EPB41L4A: variants seen among roughly 807,000 people sequenced by gnomAD.
EPB41L4A encodes erythrocyte membrane protein band 4.1 like 4A.
Under a neutral mutation model 108.6 loss-of-function variants are expected in EPB41L4A, and 100 were observed. The ratio of observed to expected loss-of-function variants is 0.92; its 90% CI spans 0.78 to 1.09. The LOEUF (loss-of-function observed/expected upper bound fraction) is 1.09, where lower values mean the gene tolerates loss of function less well. Ranked by LOEUF, EPB41L4A falls within the 50% of genes least tolerant of loss-of-function variation. The pLI is 0.00. For synonymous variants in EPB41L4A, 319 were observed against 289.0 expected (o/e 1.10, Z -1.05); for missense variants, 1,030 against 842.7 (o/e 1.22, Z -2.75).
chr5:112,157,428 G>T (rs1436799858), intron 12 of EPB41L4A, among the ~76,000 whole-genome samples: 1 of 152,158 alleles, frequency 6.6e-6, no homozygotes, highest in Non-Finnish European at 1.5e-5. Flanking sequence ...GTTATATTAG[G>T]TTTCTCTTGC....
intron 7 of EPB41L4A, among the ~76,000 whole-genome samples, chr5:112,260,411 G>A (rs1751417089): frequency 1.3e-5 from 2 of 152,214 alleles, no homozygotes. Context: ...ACTCCCAGGT[G>A]ATACTTCTGT....
At chr5:112,310,975 C>T (rs1307047641) in intron 1 of EPB41L4A, among the ~76,000 whole-genome samples, 2 of 152,146 alleles carry the variant, frequency 1.3e-5, no homozygotes, top group African/African-American at 2.4e-5. Flanking sequence ...CTGTGACAAG[C>T]AGTAGAAATG....
intron 17 of EPB41L4A, among the ~76,000 whole-genome samples, chr5:112,188,423 C>G (rs1761528837): frequency 6.6e-6 from 1 of 152,288 alleles, no homozygotes; most frequent in Non-Finnish European, 1.5e-5. Flanking sequence ...TGGGCTACCT[C>G]TGGCGCAATT....
chr5:112,283,919 C>T (rs1011067583), intron 2 of EPB41L4A, among the ~76,000 whole-genome samples: 2 of 152,054 alleles, frequency 1.3e-5, no homozygotes, highest in African/African-American at 4.8e-5. Flanking sequence ...CTAAAAAAAT[C>T]GTTAAATAGC....
chr5:112,263,515 T>C (rs1366747999), intron 6 of EPB41L4A: 1 of 152,228 alleles, frequency 6.6e-6, no homozygotes, highest in Non-Finnish European at 1.5e-5. Context: ...CAAAGCTCCT[T>C]GATAATTTCA....
At chr5:112,263,519 A>G (rs754473398) in intron 6 of EPB41L4A, 15 of 152,226 alleles carry the variant, frequency 9.9e-5, no homozygotes, top group Non-Finnish European at 2.1e-4. Flanking sequence ...GCTCCTTGAT[A>G]ATTTCAATAT....
intron 1 of EPB41L4A, among the ~76,000 whole-genome samples, chr5:112,375,650 T>C (rs1759773094): frequency 6.6e-6 from 1 of 152,206 alleles, no homozygotes; most frequent in South Asian, 2.1e-4. Context: ...GCCATTATGC[T>C]CCTCAGGCCC....
At chr5:112,365,607 T>C (rs1759073564) in intron 1 of EPB41L4A, among the ~76,000 whole-genome samples, 1 of 152,208 alleles carries the variant, frequency 6.6e-6, no homozygotes, top group Non-Finnish European at 1.5e-5. Context: ...GGTACGTTTG[T>C]TACAACTAAG....
At chr5:112,184,227 AG>A (rs1241691002) in intron 17 of EPB41L4A, 92 bp from the exon 18 acceptor site, 1 of 1,461,346 alleles carries the variant, frequency 6.8e-7, no homozygotes, top group African/African-American at 1.4e-5. Context: ...TTATTTAAGC[AG>A]CAGAAATTTT....
chr5:112,220,333 G>A (rs1426021366), intron 12 of EPB41L4A, among the ~76,000 whole-genome samples: 1 of 152,110 alleles, frequency 6.6e-6, no homozygotes, highest in Non-Finnish European at 1.5e-5. Context: ...GTAAAAATGA[G>A]AAAATGACTT....
chr5:112,145,065 G>GCCC (rs1180109938), intron 13 of EPB41L4A, among the ~76,000 whole-genome samples: 1 of 152,194 alleles, frequency 6.6e-6, no homozygotes, highest in Non-Finnish European at 1.5e-5. Context: ...CGAGGTGGGC[G>GCCC]TATCACTTGA....
At chr5:112,232,123 AAAAAAAGAG>A (rs1377896814) in intron 12 of EPB41L4A, among the ~76,000 whole-genome samples, 2 of 150,276 alleles carry the variant, frequency 1.3e-5, no homozygotes, top group Admixed American at 6.6e-5. Context: ...CAAAAAAAAA[AAAAAAAGAG>A]AGAGAGAGAG....
chr5:112,257,992 T>C (rs1751229258), intron 9 of EPB41L4A, among the ~76,000 whole-genome samples: 1 of 152,242 alleles, frequency 6.6e-6, no homozygotes, highest in Non-Finnish European at 1.5e-5. Flanking sequence ...GAAGAACACA[T>C]TGGATTTCCT....
intron 1 of EPB41L4A, among the ~76,000 whole-genome samples, chr5:112,418,728 C>G (rs1192944899): frequency 6.6e-6 from 1 of 152,060 alleles, no homozygotes; most frequent in East Asian, 1.9e-4. Context: ...AACTTAGAAA[C>G]GTCAAACTCA....
intron 18 of EPB41L4A, among the ~76,000 whole-genome samples, chr5:112,181,434 G>A (rs34059842): frequency 0.22 from 33,929 of 151,710 alleles, 4,879 homozygotes; most frequent in East Asian, 0.42. Context: ...CTGGGCGACA[G>A]AGCGAGACTC....
chr5:112,190,859 G>C (rs1161098943), intron 17 of EPB41L4A, among the ~76,000 whole-genome samples: 1 of 151,214 alleles, frequency 6.6e-6, no homozygotes, highest in East Asian at 2.0e-4. Context: ...CTCCTAGGGA[G>C]AGAGGGAATT....
intron 12 of EPB41L4A, 142 bp downstream of exon 12, chr5:112,234,492 A>G (rs1445798576): frequency 1.4e-6 from 1 of 693,900 alleles, no homozygotes; most frequent in African/African-American, 1.8e-5. Flanking sequence ...ATCAAATTAA[A>G]ATTTCTAATA....
intron 1 of EPB41L4A, among the ~76,000 whole-genome samples, chr5:112,359,731 G>A (rs1273642981): frequency 6.6e-6 from 1 of 151,952 alleles, no homozygotes; most frequent in Non-Finnish European, 1.5e-5. Flanking sequence ...TAGTAGAGAC[G>A]GGGTTTCACC....
chr5:112,182,512 C>T (rs924041586), intron 18 of EPB41L4A, among the ~76,000 whole-genome samples: 3 of 152,114 alleles, frequency 2.0e-5, no homozygotes, highest in Non-Finnish European at 2.9e-5. Context: ...TTTTATTTTA[C>T]TTTCCCCTTT....
Sources: gnomAD v4.1 joint callset for allele counts (sites outside exome capture counted in the v4.1 genomes callset) on GRCh38, gnomAD v4.1.1 for gene constraint, MANE v1.5 for transcripts, NCBI Gene and HGNC (gene_info 2026-07-23, HGNC 2026-07-21) for gene names.